DSCAM: variants seen among roughly 807,000 people sequenced by gnomAD.
The protein encoded by DSCAM is DS cell adhesion molecule, also known as cell adhesion molecule DSCAM.
DSCAM carries 47 observed loss-of-function variants against 217.7 expected under a neutral mutation model. That is an observed-to-expected ratio of 0.22 (90% CI 0.17 to 0.28). The LOEUF is 0.28. Ranked by LOEUF, DSCAM falls within the 10% of genes least tolerant of loss-of-function variation. The pLI is 1.00. For synonymous variants in DSCAM, 1,056 were observed against 1,015.3 expected, an observed-to-expected ratio of 1.04 and a Z score of -0.76; for missense variants, 2,080 against 2,618.3, an observed-to-expected ratio of 0.79 and a Z score of 4.49.
At chr21:40,394,425 G>C (rs1332280807) in intron 3 of DSCAM, among the ~76,000 whole-genome samples, 1 of 152,138 alleles carries the variant, frequency 6.6e-6, no homozygotes, top group Non-Finnish European at 1.5e-5. Flanking sequence ...ATACAGTCAG[G>C]ATGAAAAATA....
chr21:40,808,575 G>T (rs1302602139), intron 1 of DSCAM, among the ~76,000 whole-genome samples: 18 of 150,892 alleles, frequency 1.2e-4, no homozygotes, highest in African/African-American at 4.4e-4. Context: ...CTGGGCTCAA[G>T]TGTTCCTCTT....
At chr21:40,408,097 T>C (rs907717794) in intron 3 of DSCAM, among the ~76,000 whole-genome samples, 1 of 152,000 alleles carries the variant, frequency 6.6e-6, no homozygotes, top group African/African-American at 2.4e-5. Flanking sequence ...GAAAATAGGT[T>C]TGTGTTGCTA....
chr21:40,077,451 T>C (rs78282465), intron 26 of DSCAM, among the ~76,000 whole-genome samples: 3,767 of 152,238 alleles, frequency 0.025, 180 homozygotes, highest in African/African-American at 0.086. Context: ...CCTCATTAGC[T>C]CCTGGTGGTC....
chr21:40,692,315 T>C (rs2146449261), intron 3 of DSCAM, among the ~76,000 whole-genome samples: 1 of 152,306 alleles, frequency 6.6e-6, no homozygotes, highest in African/African-American at 2.4e-5. Context: ...CATATGCAAA[T>C]ATACATTTCA....
At chr21:40,263,457 G>T (rs1294023274) in intron 11 of DSCAM, among the ~76,000 whole-genome samples, 1 of 152,104 alleles carries the variant, frequency 6.6e-6, no homozygotes, top group African/African-American at 2.4e-5. Context: ...ACCTCTGAAT[G>T]ATTTTGGGGT....
intron 3 of DSCAM, among the ~76,000 whole-genome samples, chr21:40,619,567 G>C (rs1022902262): frequency 9.2e-5 from 14 of 151,882 alleles, no homozygotes; most frequent in African/African-American, 3.4e-4. Context: ...AAAGGAAATG[G>C]GTCCCTTTAC....
intron 8 of DSCAM, among the ~76,000 whole-genome samples, chr21:40,327,469 T>C (rs2074330243): frequency 1.3e-5 from 2 of 152,216 alleles, no homozygotes; most frequent in Non-Finnish European, 1.5e-5. Flanking sequence ...TTTCTATATA[T>C]ATGGTCATGT....
rs149428265 is a variant in DSCAM, at chr21:40,678,413, G to T, written c.508+14397C>A. 5.1e-3 allele frequency among the ~76,000 whole-genome samples: 781 copies of T among 152,282 alleles called. 5 individuals carry two copies. The South Asian group carries it at 0.052, about 10-fold the overall frequency. ...CTGCACCGCCATTCACTGCTCAGGT[G>T]ACTTTTCACATCTGGGTGCTTTCTT... On this transcript the variant is annotated intron_variant, in intron 3 of 32. Transcript: ENST00000400454.
chr21:40,664,415 C>A (rs28503612), intron 3 of DSCAM, among the ~76,000 whole-genome samples: 2,514 of 152,210 alleles, frequency 0.017, 64 homozygotes, highest in African/African-American at 0.058. Flanking sequence ...TGTTTCCCCC[C>A]GGGATGAAGT....
chr21:40,153,468 G>A (rs1399908258), intron 16 of DSCAM, among the ~76,000 whole-genome samples: 1 of 152,220 alleles, frequency 6.6e-6, no homozygotes, highest in Non-Finnish European at 1.5e-5. Flanking sequence ...GCACCCAGGT[G>A]CAAGGACAGA....
At chr21:40,266,942 G>T (rs989312340) in intron 11 of DSCAM, among the ~76,000 whole-genome samples, 2 of 147,312 alleles carry the variant, frequency 1.4e-5, no homozygotes, top group Admixed American at 6.9e-5. Flanking sequence ...AGCAAATAAT[G>T]CATGTTCTCA....
At chr21:40,703,270 C>T (rs916117417) in intron 2 of DSCAM, among the ~76,000 whole-genome samples, 2 of 152,178 alleles carry the variant, frequency 1.3e-5, no homozygotes, top group Non-Finnish European at 2.9e-5. Flanking sequence ...AATCCTAGCA[C>T]TTTGGGAGGC....
intron 8 of DSCAM, among the ~76,000 whole-genome samples, chr21:40,332,772 A>C (rs1199196578): frequency 6.6e-6 from 1 of 152,220 alleles, no homozygotes; most frequent in Admixed American, 6.5e-5. Flanking sequence ...TTCAACCACC[A>C]TCAATAATAA....
chr21:40,505,221 G>A (rs2178842), intron 3 of DSCAM, among the ~76,000 whole-genome samples: 13,251 of 152,302 alleles, frequency 0.087, 680 homozygotes, highest in Middle Eastern at 0.16. Context: ...GACTCAAACC[G>A]TGACAGGCAG....
chr21:40,671,048 C>A (rs1347282586), intron 3 of DSCAM, among the ~76,000 whole-genome samples: 1 of 152,152 alleles, frequency 6.6e-6, no homozygotes, highest in Admixed American at 6.6e-5. Context: ...ACTACTTTGC[C>A]ATATGAAAGC....
At chr21:40,473,716 G>A (rs1207920575) in intron 3 of DSCAM, among the ~76,000 whole-genome samples, 1 of 152,160 alleles carries the variant, frequency 6.6e-6, no homozygotes, top group Non-Finnish European at 1.5e-5. Context: ...CTACAAAGGG[G>A]TGATTAAGGT....
At chr21:40,428,734 T>C (rs2145890390) in intron 3 of DSCAM, among the ~76,000 whole-genome samples, 1 of 152,264 alleles carries the variant, frequency 6.6e-6, no homozygotes, top group East Asian at 1.9e-4. Flanking sequence ...CGTGGGGCTG[T>C]GTGTTTCAGC....
intron 3 of DSCAM, among the ~76,000 whole-genome samples, chr21:40,477,991 C>A (rs890644982): frequency 6.6e-6 from 1 of 152,122 alleles, no homozygotes; most frequent in Admixed American, 6.6e-5. Context: ...AGCCCCACCC[C>A]CCATGCTTCT....
In DSCAM at chr21:40,042,568, G is replaced by C; in HGVS notation, c.5489C>G (p.Ala1830Gly). ...GAAGCACTCCGTGATGGTGAACTTG[G>C]CGTGCCTCAGTTGCTCTTCCATCTT... ...HAKMEEQLRH[A>G]KFTITECFIS... Residue 1830 changes from alanine to glycine, a missense_variant, in exon 32 of 33, where the codon GCC (alanine) becomes GGC (glycine). By Grantham distance (60) the Ala-to-Gly change is moderately conservative. Coordinates refer to ENST00000400454, the MANE Select transcript of DSCAM (RefSeq NM_001389.5). The C allele has an allele frequency of 6.2e-7, 1 of 1,614,178 alleles. No homozygotes were observed. Among genetic ancestry groups the C allele is most frequent in the Non-Finnish European group, 8.5e-7 (1 of 1,180,040 alleles).
Sources: allele counts gnomAD v4.1 joint callset (sites outside exome capture counted in the v4.1 genomes callset), GRCh38; gene constraint gnomAD v4.1.1; transcripts MANE v1.5; gene names NCBI Gene and HGNC (gene_info 2026-07-23, HGNC 2026-07-21).